The following IQCJ variants were observed in gnomAD, a reference collection of about 807,000 sequenced individuals.
IQCJ encodes the protein IQ domain-containing protein J.
IQCJ carries 9 observed loss-of-function variants against 11.0 expected under a neutral mutation model. That is an observed-to-expected ratio of 0.82 (90% CI 0.49 to 1.43). The LOEUF (loss-of-function observed/expected upper bound fraction) is 1.43, where lower values mean the gene tolerates loss of function less well. Among genes scored for constraint, IQCJ ranks in the 40% most tolerant of loss-of-function variants. The pLI is 0.00. For synonymous variants in IQCJ, 55 were observed against 51.3 expected, an observed-to-expected ratio of 1.07 and a Z score of -0.31; for missense variants, 146 against 133.2, an observed-to-expected ratio of 1.10 and a Z score of -0.47.
intron 1 of IQCJ, among the ~76,000 whole-genome samples, chr3:159,237,412 G>A (rs1432103463): frequency 6.6e-6 from 1 of 152,176 alleles, no homozygotes; most frequent in East Asian, 1.9e-4. Flanking sequence ...AAAAGACTGC[G>A]GGATTGAGAC....
At chr3:159,190,457 C>T (rs1429059429) in intron 1 of IQCJ, among the ~76,000 whole-genome samples, 1 of 152,194 alleles carries the variant, frequency 6.6e-6, no homozygotes, top group Admixed American at 6.5e-5. Context: ...AATGGAAGGA[C>T]ACATGAGTGT....
At chr3:159,082,405 C>T (rs997180373) in intron 1 of IQCJ, among the ~76,000 whole-genome samples, 7 of 150,912 alleles carry the variant, frequency 4.6e-5, no homozygotes, top group Non-Finnish European at 8.8e-5. Flanking sequence ...AGTAAAGAAG[C>T]ATAAGGAGAG....
intron 1 of IQCJ, among the ~76,000 whole-genome samples, chr3:159,240,537 C>T (rs1333519102): frequency 1.3e-5 from 2 of 152,158 alleles, no homozygotes; most frequent in East Asian, 1.9e-4. Flanking sequence ...CAAATATACC[C>T]TACTACTAAA....
chr3:159,207,985 A>G (rs1226276457), intron 1 of IQCJ, among the ~76,000 whole-genome samples: 1 of 152,220 alleles, frequency 6.6e-6, no homozygotes, highest in African/African-American at 2.4e-5. Context: ...GGTGCAGAGC[A>G]TCATTATTTT....
chr3:159,193,800 C>T (rs28618143), intron 1 of IQCJ, among the ~76,000 whole-genome samples: 2,970 of 152,204 alleles, frequency 0.02, 96 homozygotes, highest in African/African-American at 0.067. Flanking sequence ...GCAGGCGGGA[C>T]GTTGGTCAGC....
At chr3:159,071,689 C>T (rs1268696780) in intron 1 of IQCJ, among the ~76,000 whole-genome samples, 2 of 151,928 alleles carry the variant, frequency 1.3e-5, no homozygotes, top group African/African-American at 4.8e-5. Flanking sequence ...CATTCAGTGC[C>T]ATTTTGTAGT....
intron 1 of IQCJ, among the ~76,000 whole-genome samples, chr3:159,085,091 C>G (rs974769073): frequency 6.6e-6 from 1 of 151,822 alleles, no homozygotes; most frequent in African/African-American, 2.4e-5. Context: ...CAACAGTCCC[C>G]AGAGTGTGAT....
chr3:159,147,972 C>T (rs866526757), intron 1 of IQCJ, among the ~76,000 whole-genome samples: 3 of 152,206 alleles, frequency 2.0e-5, no homozygotes, highest in Non-Finnish European at 2.9e-5. Context: ...GCATCAACAG[C>T]GCCTAGGCAT....
At chr3:159,172,323 T>C (rs1284737438) in intron 1 of IQCJ, among the ~76,000 whole-genome samples, 3 of 152,154 alleles carry the variant, frequency 2.0e-5, no homozygotes, top group African/African-American at 7.2e-5. Context: ...ATAAAAAATG[T>C]ATAAATGTTG....
chr3:159,123,244 A>G (rs562588387), intron 1 of IQCJ, among the ~76,000 whole-genome samples: 32 of 152,296 alleles, frequency 2.1e-4, no homozygotes, highest in African/African-American at 7.2e-4. Context: ...TCTATTCAAA[A>G]TAACCACCTA....
intron 1 of IQCJ, among the ~76,000 whole-genome samples, chr3:159,117,368 C>T (rs901443617): frequency 3.9e-5 from 6 of 152,304 alleles, no homozygotes; most frequent in African/African-American, 1.2e-4. Context: ...GCTGCGCTTC[C>T]GACCCAGAAC....
intron 1 of IQCJ, among the ~76,000 whole-genome samples, chr3:159,072,966 G>A (rs569525870): frequency 6.6e-6 from 1 of 152,054 alleles, no homozygotes; most frequent in Non-Finnish European, 1.5e-5. Flanking sequence ...AGGTTCTCTG[G>A]GAAGAGATTC....
chr3:159,148,351 G>A (rs1438481427), intron 1 of IQCJ, among the ~76,000 whole-genome samples: 1 of 152,126 alleles, frequency 6.6e-6, no homozygotes, highest in Non-Finnish European at 1.5e-5. Flanking sequence ...ATTATCTTAT[G>A]TGAACTATTT....
intron 1 of IQCJ, among the ~76,000 whole-genome samples, chr3:159,135,729 G>A (rs936988963): frequency 6.6e-6 from 1 of 152,148 alleles, no homozygotes; most frequent in African/African-American, 2.4e-5. Context: ...CATACCAAAT[G>A]CAAGGGAGTC....
At chr3:159,085,762 G>T (rs943814138) in intron 1 of IQCJ, among the ~76,000 whole-genome samples, 1 of 151,578 alleles carries the variant, frequency 6.6e-6, no homozygotes, top group Non-Finnish European at 1.5e-5. Flanking sequence ...TTTTGATGGG[G>T]TTGTTTTTTT....
chr3:159,224,696 G>A (rs1045227105), intron 1 of IQCJ, among the ~76,000 whole-genome samples: 2 of 151,960 alleles, frequency 1.3e-5, no homozygotes, highest in Non-Finnish European at 2.9e-5. Flanking sequence ...ATCTAATCAA[G>A]CTTTTGAACC....
intron 1 of IQCJ, chr3:159,069,888 CGT>C (rs1269288465): frequency 6.1e-5 from 10 of 163,822 alleles, no homozygotes; most frequent in East Asian, 3.5e-4. Context: ...TGTGTGTGTG[CGT>C]GTGTATGGGG....
intron 2 of IQCJ, among the ~76,000 whole-genome samples, chr3:159,248,473 GT>G (rs1408076885): frequency 3.9e-5 from 6 of 152,168 alleles, no homozygotes; most frequent in Non-Finnish European, 8.8e-5. Context: ...TAACTAAAGA[GT>G]TTTTTGCTGA....
At chr3:159,232,449 TTC>T (rs1726314247) in intron 1 of IQCJ, among the ~76,000 whole-genome samples, 1 of 146,756 alleles carries the variant, frequency 6.8e-6, no homozygotes, top group East Asian at 2.0e-4. Flanking sequence ...TTGAGAGACT[TTC>T]TTTTTTTTTT....
Sources: gnomAD v4.1 joint callset for allele counts (sites outside exome capture counted in the v4.1 genomes callset) on GRCh38, gnomAD v4.1.1 for gene constraint, MANE v1.5 for transcripts, NCBI Gene and HGNC (gene_info 2026-07-23, HGNC 2026-07-21) for gene names.